The following DDX51 variants were observed in gnomAD, a reference collection of about 807,000 sequenced individuals.
DDX51 encodes the protein DEAD-box helicase 51.
DDX51 carries 67 observed loss-of-function variants against 74.6 expected under a neutral mutation model. That is an observed-to-expected ratio of 0.90 (90% CI 0.74 to 1.10). The LOEUF (loss-of-function observed/expected upper bound fraction) is 1.10. Among genes scored for constraint, DDX51 ranks in the 50% least tolerant of loss-of-function variants. The probability of loss-of-function intolerance (pLI) is 0.00; values close to 1 mark genes in which losing one functional copy is unlikely to be tolerated. For missense variants in DDX51, 1,056 were observed against 905.2 expected, an observed-to-expected ratio of 1.17 and a Z score of -2.14; for synonymous variants, 545 against 402.9, an observed-to-expected ratio of 1.35 and a Z score of -4.22.
intron 2 of DDX51, chr12:132,143,235 C>G (rs1438205623): frequency 4.9e-6 from 2 of 404,520 alleles, no homozygotes; most frequent in African/African-American, 4.1e-5. Flanking sequence ...CAAGTCTTTG[C>G]ATCCCAACTC....
In DDX51 at chr12:132,142,976, C is replaced by G. The variant is rs552208609; in HGVS notation, c.520-98G>C. ...GCTAGGGGAGGGAGGCTGGGGAAAC[C>G]TCTGTCGTCTTCAGCTCCTTCTCAG... On this transcript the variant is annotated intron_variant, in intron 2 of 14. Coordinates refer to ENST00000397333, the MANE Select transcript of DDX51 (RefSeq NM_175066.4). 8 of 1,532,202 alleles carry G rather than the reference C, an allele frequency of 5.2e-6. No individual in the cohort carries two copies. The East Asian group carries it at 1.8e-4, about 35-fold the overall frequency. 94.9% of individuals were successfully genotyped at this position (1,532,202 alleles called of 1,614,324 possible). A position where few individuals can be genotyped will look rare whatever the true frequency, so the allele number is the denominator to read the frequency against.
chr12:132,139,106 GCT>G lies in DDX51; in HGVS notation c.*164_*165del. ...GTCTCCAGTCGGGGCAGGTGCTTGAGCTCTGACGCCCGGGCTGCCTGGCGCAG... is the reference window on the plus strand; with the variant it reads ...GTCTCCAGTCGGGGCAGGTGCTTGAGCTGACGCCCGGGCTGCCTGGCGCAG... On this transcript the variant is annotated 3_prime_UTR_variant, in exon 15 of 15. Transcript: ENST00000397333. 1 of 1,023,488 alleles carries G rather than the reference GCT, an allele frequency of 9.8e-7. No homozygotes were observed. The highest frequency in any genetic ancestry group is 1.6e-5 in the South Asian group (1 of 64,334). The allele number at this position is 1,023,488 out of a possible 1,614,324, so 63.4% of individuals were successfully genotyped here.
At chr12:132,141,676 C>CA in intron 6 of DDX51, 70 bp from the exon 7 acceptor site, 1 of 1,510,388 alleles carries the variant, frequency 6.6e-7, no homozygotes, top group Non-Finnish European at 8.9e-7. Flanking sequence ...GACGCTGCCT[C>CA]ACCCCACAGC....
At position 132,139,178 on chromosome 12, in the gene DDX51, C is replaced by G; in HGVS notation, c.*94G>C. 1 of 1,518,590 alleles carries G rather than the reference C, an allele frequency of 6.6e-7. No individual in the cohort carries two copies. The allele number at this position is 1,518,590 out of a possible 1,614,324, so 94.1% of individuals were successfully genotyped here. Reference sequence around the variant, plus strand: ...GAAGGCTGTGTCCACTGGGGGATTCCTTTCCTCACATACAGGATCCAGTGA... The same window carrying G: ...GAAGGCTGTGTCCACTGGGGGATTCGTTTCCTCACATACAGGATCCAGTGA... On this transcript the variant is annotated 3_prime_UTR_variant, in exon 15 of 15. Transcript: ENST00000397333.
In DDX51 at chr12:132,140,585, C is replaced by T. The variant is rs766534398; in HGVS notation, c.1556+35G>A. ...GGCCAAGTGATGCTGGGACCAGAGGCCACCTCTGCCACCCCCGCCCAGCCG... is the reference window on the plus strand; with the variant it reads ...GGCCAAGTGATGCTGGGACCAGAGGTCACCTCTGCCACCCCCGCCCAGCCG... On this transcript the variant is annotated intron_variant, in intron 10 of 14. Coordinates refer to ENST00000397333, the MANE Select transcript of DDX51 (RefSeq NM_175066.4). The T allele has an allele frequency of 1.9e-6, 3 of 1,612,638 alleles. No individual in the cohort carries two copies. The South Asian group carries it at 3.3e-5, about 18-fold the overall frequency.
chr12:132,140,282 G>C, intron 11 of DDX51, 83 bp from the exon 12 acceptor site: 1 of 1,566,392 alleles, frequency 6.4e-7, no homozygotes, highest in Non-Finnish European at 8.7e-7. Context: ...GGCAGCTCAG[G>C]CCTTTCTGGG....
At position 132,138,010 on chromosome 12, in the gene DDX51, C is replaced by G. The variant is rs1367135136; in HGVS notation, c.*1262G>C. On this transcript the variant is annotated 3_prime_UTR_variant, in exon 15 of 15. Coordinates refer to ENST00000397333, the MANE Select transcript of DDX51 (RefSeq NM_175066.4). ...CATCCACGGGGTGCCTATGCTGGTG[C>G]CTCACTCCTTTTTCTCTCCTGGTGT... 2 of 152,270 alleles carry G rather than the reference C, an allele frequency of 1.3e-5. No homozygotes were observed. The highest frequency in any genetic ancestry group is 2.4e-5 in the African/African-American group (1 of 41,448). The allele number at this position is 152,270 out of a possible 1,614,324, so 9.4% of individuals were successfully genotyped here.
rs1224414135 is a variant in DDX51 at position 132,137,233 on chromosome 12, T to A, written c.*2039A>T. 6.6e-6 allele frequency: 1 copy of A among 152,172 alleles called. No individual in the cohort carries two copies. The highest frequency in any genetic ancestry group is 1.5e-5 in the Non-Finnish European group (1 of 68,036). The allele number at this position is 152,172 out of a possible 1,614,324, so 9.4% of individuals were successfully genotyped here. A position where few individuals can be genotyped will look rare whatever the true frequency, so the allele number is the denominator to read the frequency against. The stretch of plus-strand genomic sequence containing the variant: ...CGGGAATGTGCTTATTAGGGTCCAC[T>A]GTTTTACTGGGGCCCATTGTGGAAG... On this transcript the variant is annotated 3_prime_UTR_variant, in exon 15 of 15. Transcript: ENST00000397333.
rs756611113 is a variant in DDX51 at position 132,140,986 on chromosome 12, G to A, written c.1285C>T (p.Leu429Phe). The change falls in exon 9 of 15, where the codon CTC (leucine) becomes TTC (phenylalanine). Residue 429 changes from leucine to phenylalanine, a missense_variant. Transcript: ENST00000397333. ...CCPQMPLQKL[L>F]FSATLTQNPE... is the part of the protein sequence containing the mutation. ...TTCTGGGTCAGAGTAGCTGAGAAGAGCAGCTTCTGCAGGGGCATCTGGGGA... is the reference window on the plus strand; with the variant it reads ...TTCTGGGTCAGAGTAGCTGAGAAGAACAGCTTCTGCAGGGGCATCTGGGGA... The A allele has an allele frequency of 1.4e-5, 23 of 1,606,344 alleles. No homozygotes were observed. The highest frequency in any genetic ancestry group is 1.7e-5 in the Admixed American group (1 of 57,276).
In DDX51 at chr12:132,143,804, GTGCTGCGCTCCCCCGGCGCCTCCT is replaced by G; in HGVS notation, c.386_409del (p.Glu129_Thr137delinsAla). 1 of 1,526,044 alleles carries G rather than the reference GTGCTGCGCTCCCCCGGCGCCTCCT, an allele frequency of 6.6e-7. No homozygotes were observed. Among genetic ancestry groups the G allele is most frequent in the Non-Finnish European group, 8.8e-7 (1 of 1,142,386 alleles). The allele number at this position is 1,526,044 out of a possible 1,614,324, so 94.5% of individuals were successfully genotyped here. A position where few individuals can be genotyped will look rare whatever the true frequency, so the allele number is the denominator to read the frequency against. On this transcript the variant is annotated inframe_deletion, in exon 2 of 15. Transcript: ENST00000397333. ...TGGGGCCGCCTCGGCGCTGGCGCTGGTGCTGCGCTCCCCCGGCGCCTCCTCGCTGCTCCCTGCGCTGGGCTCCCC... is the reference window on the plus strand; with the variant it reads ...TGGGGCCGCCTCGGCGCTGGCGCTGGCGCTGCTCCCTGCGCTGGGCTCCCC...
rs2136677529 is a variant in DDX51 at position 132,142,035 on chromosome 12, G to C, written c.889-79C>G. 3 of 1,605,728 alleles carry C rather than the reference G, an allele frequency of 1.9e-6. No homozygotes were observed. In the East Asian group the frequency reaches 6.7e-5, roughly 36 times the overall value. On this transcript the variant is annotated intron_variant, in intron 5 of 14. Transcript: ENST00000397333. ...GCAAAAAGGACCCCAGATCTAATCT[G>C]GGTCCCCCAGGGGCTGATCGCTGTG...
intron 8 of DDX51, 81 bp from the exon 9 acceptor site, chr12:132,141,101 AC>A (rs1897440556): frequency 1.3e-6 from 2 of 1,512,238 alleles, no homozygotes; most frequent in Admixed American, 4.4e-5. Flanking sequence ...CATGCTACGC[AC>A]TGTAGAGACT....
rs1897613008 is a variant in DDX51, at chr12:132,144,288, C to T, written c.9G>A (p.Leu3=). The T allele has an allele frequency of 1.5e-6, 2 of 1,324,994 alleles. No homozygotes were observed. Among genetic ancestry groups the T allele is most frequent in the Admixed American group, 8.3e-5 (2 of 24,102 alleles). The allele number at this position is 1,324,994 out of a possible 1,614,324, so 82.1% of individuals were successfully genotyped here. A position where few individuals can be genotyped will look rare whatever the true frequency, so the allele number is the denominator to read the frequency against. The part of the protein sequence containing the change: MA[L]FYVARYPGPD... ...GGCCCGGGTACCGCGCGACGTAGAA[C>T]AGCGCCATGGCCAGCCGCACGCCTG... The change falls in exon 1 of 15, where the codon CTG becomes CTA. Residue 3 remains leucine (L), a synonymous_variant. Coordinates refer to ENST00000397333, the MANE Select transcript of DDX51 (RefSeq NM_175066.4).
chr12:132,141,002 C>T lies in DDX51; in HGVS notation c.1269G>A (p.Met423Ile), dbSNP rs746648910. 1.9e-6 allele frequency: 3 copies of T among 1,596,982 alleles called. No homozygotes were observed. Among genetic ancestry groups the T allele is most frequent in the African/African-American group, 1.4e-5 (1 of 73,720 alleles). The change falls in exon 9 of 15, where the codon ATG becomes ATA. Residue 423 changes from methionine (M) to isoleucine (I), a missense_variant. Coordinates refer to ENST00000397333, the MANE Select transcript of DDX51 (RefSeq NM_175066.4). Reference sequence around the variant, plus strand: ...CTGAGAAGAGCAGCTTCTGCAGGGGCATCTGGGGACAGCAGGTGCTGGAAG... The same window carrying T: ...CTGAGAAGAGCAGCTTCTGCAGGGGTATCTGGGGACAGCAGGTGCTGGAAG... Reference protein sequence around the residue: ...VTAASTCCPQMPLQKLLFSAT... With the variant: ...VTAASTCCPQIPLQKLLFSAT...
chr12:132,142,639 C>T, intron 3 of DDX51, 89 bp downstream of exon 3: 2 of 1,553,404 alleles, frequency 1.3e-6, no homozygotes, highest in South Asian at 2.4e-5. Context: ...ACCGATGTGG[C>T]AGGGACGCCT....
At position 132,144,250 on chromosome 12, in the gene DDX51, G is replaced by C; in HGVS notation, c.47C>G (p.Ala16Gly). The C allele has an allele frequency of 8.1e-7, 1 of 1,237,422 alleles. No individual in the cohort carries two copies. Among genetic ancestry groups the C allele is most frequent in the Non-Finnish European group, 1.0e-6 (1 of 990,914 alleles). The allele number at this position is 1,237,422 out of a possible 1,614,324, so 76.7% of individuals were successfully genotyped here. The stretch of plus-strand genomic sequence containing the variant: ...CTCCGCGCCCTCCGGCCCCGCCGCA[G>C]CTGCCGCATCGGGGCCCGGGTACCG... ...VARYPGPDAAAAAGPEGAEAG... is the reference protein window; with the variant it reads ...VARYPGPDAAGAAGPEGAEAG... The change falls in exon 1 of 15, where the codon GCT (alanine) becomes GGT (glycine). Residue 16 changes from alanine (A) to glycine (G), a missense_variant. Ala to Gly is a moderately conservative substitution (Grantham distance 60, BLOSUM62 0). Transcript: ENST00000397333.
chr12:132,144,235 T>A lies in DDX51; in HGVS notation c.62A>T (p.Glu21Val). Residue 21 changes from glutamate to valine, a missense_variant, in exon 1 of 15, where the codon GAG (glutamate) becomes GTG (valine). Glu to Val is a moderately radical substitution (Grantham distance 121). Coordinates refer to ENST00000397333, the MANE Select transcript of DDX51 (RefSeq NM_175066.4). ...GCCGTGCGCCCCGGCCTCCGCGCCC[T>A]CCGGCCCCGCCGCAGCTGCCGCATC... ...GPDAAAAAGP[E>V]GAEAGAHGRA... The A allele has an allele frequency of 8.2e-7, 1 of 1,225,910 alleles. No homozygotes were observed. Among genetic ancestry groups the A allele is most frequent in the Non-Finnish European group, 1.0e-6 (1 of 983,930 alleles). The allele number at this position is 1,225,910 out of a possible 1,614,324, so 75.9% of individuals were successfully genotyped here.
Position 132,140,114 on chromosome 12 carries a change from T to G in DDX51, c.1759A>C (p.Arg587=). 6.2e-7 allele frequency: 1 copy of G among 1,612,814 alleles called. No individual in the cohort carries two copies. The highest frequency in any genetic ancestry group is 8.5e-7 in the Non-Finnish European group (1 of 1,179,964). ...AGCGCTCACCGGTGCACGTAGGTTC[T>G]CAGGTACTGGGGGGCGTCGTAGTTC... ...VVNYDAPQYL[R]TYVHRVGRTA... is the part of the protein sequence containing the mutation. Residue 587 remains arginine (R), a synonymous_variant, in exon 12 of 15, where the codon AGA becomes CGA. Coordinates refer to ENST00000397333, the MANE Select transcript of DDX51 (RefSeq NM_175066.4).
chr12:132,139,352 G>A, intron 14 of DDX51, 54 bp from the exon 15 acceptor site: 1 of 1,591,934 alleles, frequency 6.3e-7, no homozygotes, highest in Middle Eastern at 1.7e-4. Flanking sequence ...CTCATCGTCT[G>A]TGGGGCCCCG....
Sources: allele counts gnomAD v4.1 joint callset, GRCh38; gene constraint gnomAD v4.1.1; transcripts MANE v1.5; gene names NCBI Gene and HGNC (gene_info 2026-07-23, HGNC 2026-07-21).